Variants in EEF1A2 observed in about 807,000 individuals in gnomAD.
The protein encoded by EEF1A2 is elongation factor 1-alpha 2.
In EEF1A2, 5 loss-of-function variants were observed where a neutral mutation model predicts 39.3. The ratio of observed to expected loss-of-function variants is 0.13; its 90% CI spans 0.07 to 0.27. EEF1A2 has a LOEUF of 0.27. Among genes scored for constraint, EEF1A2 ranks in the 10% least tolerant of loss-of-function variants. The pLI is 1.00. For synonymous variants in EEF1A2, 287 were observed against 293.7 expected (o/e 0.98, Z 0.23); for missense variants, 218 against 681.4 (o/e 0.32, Z 7.57).
rs1439877139 is a variant in EEF1A2, at chr20:63,498,127, C to G, written c.-71-293G>C. The G allele has an allele frequency of 5.6e-6, 1 of 179,256 alleles. No homozygotes were observed. The highest frequency in any genetic ancestry group is 1.2e-5 in the Non-Finnish European group (1 of 85,690). The allele number at this position is 179,256 out of a possible 1,614,324, so 11.1% of individuals were successfully genotyped here. A position where few individuals can be genotyped will look rare whatever the true frequency, so the allele number is the denominator to read the frequency against. On this transcript the variant is annotated intron_variant, in intron 1 of 7. Coordinates refer to ENST00000217182, the MANE Select transcript of EEF1A2 (RefSeq NM_001958.5). The surrounding 1 kb of genome is among the most constrained non-coding windows in gnomAD (Gnocchi z 4.1). ...AGGGGTTAGCCACCATTTGGAGAGA[C>G]CACGCAGCGCCAGGCTGGGTACGTC...
At chr20:63,492,394 ATGGATGGATG>A (rs1568996166) in intron 5 of EEF1A2, among the ~76,000 whole-genome samples, 445 of 137,774 alleles carry the variant, frequency 3.2e-3, no homozygotes, top group Admixed American at 5.0e-3. Context: ...GGGTGGGTAG[ATGGATGGATG>A]GATGGATGGA....
Position 63,493,753 on chromosome 20 carries a change from G to A in EEF1A2, c.622-466C>T, listed in dbSNP as rs539164831. ...CGAGCTTGGCCCAGCCTTGTCCGGA[G>A]CTTCTCCTAGTGTGGCCCCCACTCC... is the stretch of plus-strand genomic sequence containing the variant. On this transcript the variant is annotated intron_variant, in intron 4 of 7. Transcript: ENST00000217182. Among the ~76,000 whole-genome samples, 5 of 152,344 alleles carry A rather than the reference G, an allele frequency of 3.3e-5. No individual in the cohort carries two copies. In the East Asian group the frequency reaches 9.7e-4, roughly 29 times the overall value.
chr20:63,489,246 C>G (rs946207600), intron 6 of EEF1A2, 94 bp from the exon 7 acceptor site: 3 of 1,273,038 alleles, frequency 2.4e-6, no homozygotes, highest in East Asian at 2.5e-5. Flanking sequence ...CACCGGCGCC[C>G]CTGCACGGGC....
At chr20:63,489,256 C>G in intron 6 of EEF1A2, 104 bp from the exon 7 acceptor site, 1 of 1,177,066 alleles carries the variant, frequency 8.5e-7, no homozygotes, top group Non-Finnish European at 1.2e-6. Flanking sequence ...CCTGCACGGG[C>G]TCCTGGGCCC....
At chr20:63,494,156 G>A (rs1394499019) in intron 4 of EEF1A2, among the ~76,000 whole-genome samples, 1 of 152,254 alleles carries the variant, frequency 6.6e-6, no homozygotes, top group African/African-American at 2.4e-5. Context: ...GACAGTGCTG[G>A]CAGAGCCTAG....
In EEF1A2 at chr20:63,498,144, G is replaced by C. The variant is rs2082426730; in HGVS notation, c.-71-310C>G. On this transcript the variant is annotated intron_variant, in intron 1 of 7. Transcript: ENST00000217182. The surrounding 1 kb of genome is among the most constrained non-coding windows in gnomAD (Gnocchi z 4.1). ...TGGAGAGACCACGCAGCGCCAGGCT[G>C]GGTACGTCCGTGACCAGCAGAGCCG... 1 of 169,122 alleles carries C rather than the reference G, an allele frequency of 5.9e-6. No individual in the cohort carries two copies. The highest frequency in any genetic ancestry group is 1.6e-4 in the South Asian group (1 of 6,182). The allele number at this position is 169,122 out of a possible 1,614,324, so 10.5% of individuals were successfully genotyped here.
chr20:63,493,619 C>A (rs984247678), intron 4 of EEF1A2, among the ~76,000 whole-genome samples: 1 of 152,216 alleles, frequency 6.6e-6, no homozygotes, highest in African/African-American at 2.4e-5. Flanking sequence ...CAGCTCCAGG[C>A]AGGGCAGATG....
intron 4 of EEF1A2, among the ~76,000 whole-genome samples, chr20:63,493,568 A>C (rs1160060209): frequency 3.3e-5 from 5 of 152,200 alleles, no homozygotes; most frequent in African/African-American, 1.2e-4. Flanking sequence ...ACAAATCCCC[A>C]GTCCAGCCCC....
In EEF1A2 at chr20:63,494,911, T is replaced by C. The variant is rs1600907704; in HGVS notation, c.515A>G (p.Lys172Arg). 1.9e-6 allele frequency: 3 copies of C among 1,612,662 alleles called. No individual in the cohort carries two copies. The highest frequency in any genetic ancestry group is 1.3e-5 in the African/African-American group (1 of 74,938). Residue 172 changes from lysine (K) to arginine (R), a missense_variant, in exon 4 of 8, where the codon AAG becomes AGG. By Grantham distance (26) the Lys-to-Arg change is conservative. Coordinates refer to ENST00000217182, the MANE Select transcript of EEF1A2 (RefSeq NM_001958.5). The part of the protein sequence containing the change: ...YSEKRYDEIV[K>R]EVSAYIKKIG... ...CTTCTTGATGTAGGCGCTGACTTCC[T>C]TGACGATCTCGTCGTAGCGCTTCTC... is the stretch of plus-strand genomic sequence containing the variant.
chr20:63,495,901 G>T lies in EEF1A2; in HGVS notation c.279C>A (p.Pro93=), dbSNP rs142072676. 9 of 1,613,110 alleles carry T rather than the reference G, an allele frequency of 5.6e-6. No individual in the cohort carries two copies. The highest frequency in any genetic ancestry group is 7.6e-6 in the Non-Finnish European group (9 of 1,179,874). ...TGTTCTTGATGAAGTCGCGGTGGCCGGGGGCATCGATGATGGTGATGTAGT... is the reference window on the plus strand; with the variant it reads ...TGTTCTTGATGAAGTCGCGGTGGCCTGGGGCATCGATGATGGTGATGTAGT... ...TKYYITIIDA[P]GHRDFIKNMI... is the part of the protein sequence containing the mutation. The change falls in exon 3 of 8, where the codon CCC becomes CCA. Residue 93 remains proline (P), a synonymous_variant. Transcript: ENST00000217182.
intron 4 of EEF1A2, among the ~76,000 whole-genome samples, chr20:63,493,869 G>C (rs2750398): frequency 1.3e-5 from 2 of 152,258 alleles, no homozygotes; most frequent in Non-Finnish European, 2.9e-5. Context: ...CCCAGGGCCT[G>C]TGTAAGCACG....
chr20:63,488,187 G>A lies in EEF1A2; in HGVS notation c.*111C>T, dbSNP rs1300497429. On this transcript the variant is annotated 3_prime_UTR_variant, in exon 8 of 8. Transcript: ENST00000217182. ...GCGGAGGTGCAGACATGCGCCTGGC[G>A]GGGGTGCGGGGCGCCGGACCGGCGC... is the stretch of plus-strand genomic sequence containing the variant. The A allele has an allele frequency of 1.8e-5, 12 of 683,068 alleles. No individual in the cohort carries two copies. The highest frequency in any genetic ancestry group is 2.2e-5 in the Non-Finnish European group (12 of 557,870). The allele number at this position is 683,068 out of a possible 1,614,324, so 42.3% of individuals were successfully genotyped here. A position where few individuals can be genotyped will look rare whatever the true frequency, so the allele number is the denominator to read the frequency against.
At chr20:63,494,715 C>T (rs1367724543) in intron 4 of EEF1A2, 90 bp downstream of exon 4, 55 of 1,479,036 alleles carry the variant, frequency 3.7e-5, no homozygotes, top group Non-Finnish European at 4.5e-5. Flanking sequence ...GACAGGCCCT[C>T]GACCTCCCCG....
intron 4 of EEF1A2, 31 bp downstream of exon 4, chr20:63,494,774 C>T (rs566920038): frequency 1.0e-5 from 16 of 1,590,060 alleles, no homozygotes; most frequent in Middle Eastern, 1.7e-4. Context: ...AGCCAGCTCC[C>T]GTGGCCCGCC....
In EEF1A2 at chr20:63,495,928, C is replaced by T; in HGVS notation, c.252G>A (p.Lys84=). Residue 84 remains lysine, a synonymous_variant, in exon 3 of 8, where the codon AAG becomes AAA. Transcript: ENST00000217182. ...GGGCATCGATGATGGTGATGTAGTA[C>T]TTGGTGGTCTCGAACTTCCAGAGGG... ...DISLWKFETT[K]YYITIIDAPG... The T allele has an allele frequency of 1.2e-6, 2 of 1,613,420 alleles. No individual in the cohort carries two copies. Among genetic ancestry groups the T allele is most frequent in the Non-Finnish European group, 8.5e-7 (1 of 1,179,962 alleles).
intron 6 of EEF1A2, among the ~76,000 whole-genome samples, chr20:63,489,523 C>T (rs1471807383): frequency 6.6e-6 from 1 of 152,132 alleles, no homozygotes; most frequent in African/African-American, 2.4e-5. Flanking sequence ...TGGCTCACAC[C>T]TGTCATCCCA....
rs1600907789 is a variant in EEF1A2, at chr20:63,494,955, G to C, written c.471C>G (p.Ser157=). 6.2e-7 allele frequency: 1 copy of C among 1,612,818 alleles called. No homozygotes were observed. ...GCTTCTCGCTGTAGGCCGGCTCTGT[G>C]GAGTCCATTTTGTTCACGCCCACGA... ...QLIVGVNKMD[S]TEPAYSEKRY... Residue 157 remains serine (S), a synonymous_variant, in exon 4 of 8, where the codon TCC becomes TCG. Coordinates refer to ENST00000217182, the MANE Select transcript of EEF1A2 (RefSeq NM_001958.5).
rs1422855545 is a variant in EEF1A2 at position 63,493,152 on chromosome 20, C to T, written c.757G>A (p.Val253Met). ...DKPLRLPLQDVYKIGGIGTVP... is the reference protein window; with the variant it reads ...DKPLRLPLQDMYKIGGIGTVP... ...CCTTGCTCACCGCCAATCTTGTACACGTCCTGCAGCGGCAGGCGCAGGGGC... is the reference window on the plus strand; with the variant it reads ...CCTTGCTCACCGCCAATCTTGTACATGTCCTGCAGCGGCAGGCGCAGGGGC... The change falls in exon 5 of 8, where the codon GTG becomes ATG. Residue 253 changes from valine (V) to methionine (M), a missense_variant. Around this residue, in one of 4 missense-constraint regions of EEF1A2, gnomAD observed 80 missense variants for 295.9 expected, o/e 0.27. Transcript: ENST00000217182. The T allele has an allele frequency of 3.2e-6, 5 of 1,548,318 alleles. No homozygotes were observed. The highest frequency in any genetic ancestry group is 3.9e-5 in the Admixed American group (2 of 50,864).
chr20:63,496,400 C>T (rs2750393), intron 2 of EEF1A2: 1 of 262,068 alleles, frequency 3.8e-6, no homozygotes, highest in South Asian at 6.0e-5. Context: ...ATCCCTTCCT[C>T]AACCAGAGGC....
Sources: allele counts gnomAD v4.1 joint callset (sites outside exome capture counted in the v4.1 genomes callset), GRCh38; gene constraint gnomAD v4.1.1; regional missense constraint gnomAD v4.1.1; non-coding constraint Gnocchi (gnomAD v3.1); transcripts MANE v1.5; gene names NCBI Gene and HGNC (gene_info 2026-07-23, HGNC 2026-07-21).